Variants in NRXN3 observed in about 807,000 individuals in gnomAD.
The protein encoded by NRXN3 is neurexin III.
NRXN3 carries 32 observed loss-of-function variants against 137.6 expected under a neutral mutation model. That is an observed-to-expected ratio of 0.23 (90% CI 0.18 to 0.31). NRXN3 has a LOEUF of 0.31. Ranked by LOEUF, NRXN3 falls within the 10% of genes least tolerant of loss-of-function variation. The pLI is 1.00. For missense variants in NRXN3, 1,574 were observed against 2,062.5 expected (o/e 0.76, Z 4.59); for synonymous variants, 798 against 784.5 (o/e 1.02, Z -0.29).
chr14:79,254,414 A>AC (rs1288618720), intron 15 of NRXN3, among the ~76,000 whole-genome samples: 3 of 152,174 alleles, frequency 2.0e-5, no homozygotes, highest in Admixed American at 6.5e-5. Flanking sequence ...TCACTTAATG[A>AC]AGCTCCTTGG....
chr14:78,735,269 A>G (rs1484727555), intron 8 of NRXN3, among the ~76,000 whole-genome samples: 1 of 152,236 alleles, frequency 6.6e-6, no homozygotes, highest in Non-Finnish European at 1.5e-5. Flanking sequence ...GGAGAATGCT[A>G]TAACAATAAA....
chr14:79,252,906 C>T (rs1051896284), intron 15 of NRXN3, among the ~76,000 whole-genome samples: 1 of 152,122 alleles, frequency 6.6e-6, no homozygotes, highest in Non-Finnish European at 1.5e-5. Context: ...GTTGCCCAGC[C>T]ACATCCATTA....
chr14:78,539,765 C>A lies in NRXN3; in HGVS notation c.758-105355C>A, dbSNP rs186583139. On this transcript the variant is annotated intron_variant, in intron 4 of 20. Coordinates refer to ENST00000335750, the MANE Select transcript of NRXN3 (RefSeq NM_001330195.2). ...GGCATTTAGTGTAAATTTCCCTGTACACACTGTTTTAAATGTGTCCCAGAG... is the reference window on the plus strand; with the variant it reads ...GGCATTTAGTGTAAATTTCCCTGTAAACACTGTTTTAAATGTGTCCCAGAG... 3.3e-5 allele frequency among the ~76,000 whole-genome samples: 5 copies of A among 152,258 alleles called. No homozygotes were observed. In the East Asian group the frequency reaches 9.7e-4, roughly 29 times the overall value.
At chr14:78,896,142 A>G (rs2099173803) in intron 10 of NRXN3, among the ~76,000 whole-genome samples, 2 of 151,926 alleles carry the variant, frequency 1.3e-5, no homozygotes, top group Non-Finnish European at 2.9e-5. Flanking sequence ...CAATTGTTGT[A>G]AAATGCAAAA....
intron 15 of NRXN3, among the ~76,000 whole-genome samples, chr14:79,077,736 C>G (rs1375434152): frequency 2.0e-5 from 3 of 152,068 alleles, no homozygotes; most frequent in Admixed American, 6.6e-5. Flanking sequence ...TTTTATATAA[C>G]TATAATATAT....
chr14:78,784,725 C>T (rs946401459), intron 8 of NRXN3, among the ~76,000 whole-genome samples: 8 of 152,052 alleles, frequency 5.3e-5, no homozygotes, highest in Non-Finnish European at 7.3e-5. Flanking sequence ...GAGATGATTT[C>T]GGAAGTCTAG....
At chr14:78,957,094 G>A (rs1296505818) in intron 10 of NRXN3, 148 bp from the exon 11 acceptor site, 1 of 759,760 alleles carries the variant, frequency 1.3e-6, no homozygotes, top group Non-Finnish European at 2.1e-6. Context: ...AGAATCCACT[G>A]GATCAGTAAA....
chr14:79,516,989 C>A (rs2096992823), intron 16 of NRXN3, among the ~76,000 whole-genome samples: 2 of 151,778 alleles, frequency 1.3e-5, no homozygotes, highest in South Asian at 4.1e-4. Context: ...GTGTTGAATA[C>A]AATCTCAGAA....
intron 8 of NRXN3, among the ~76,000 whole-genome samples, chr14:78,716,295 C>A (rs1309857881): frequency 6.6e-6 from 1 of 152,140 alleles, no homozygotes; most frequent in Non-Finnish European, 1.5e-5. Context: ...GCCAAGCACA[C>A]AGAATCAAGC....
At chr14:79,406,390 T>G (rs768310287) in intron 15 of NRXN3, among the ~76,000 whole-genome samples, 8 of 151,922 alleles carry the variant, frequency 5.3e-5, no homozygotes, top group Non-Finnish European at 1.2e-4. Context: ...CTCCAACTTC[T>G]GCCTCCTGGG....
At chr14:78,488,981 C>T (rs996286430) in intron 4 of NRXN3, among the ~76,000 whole-genome samples, 1 of 151,994 alleles carries the variant, frequency 6.6e-6, no homozygotes, top group South Asian at 2.1e-4. Context: ...CACGCTTTTC[C>T]CTCTCTTAGG....
chr14:79,080,328 G>A (rs946471011), intron 15 of NRXN3, among the ~76,000 whole-genome samples: 8 of 152,146 alleles, frequency 5.3e-5, no homozygotes, highest in Admixed American at 1.3e-4. Context: ...AAGCAGACAT[G>A]GAAGGATTTG....
intron 16 of NRXN3, among the ~76,000 whole-genome samples, chr14:79,560,843 T>C (rs1484506758): frequency 6.6e-6 from 1 of 152,044 alleles, no homozygotes; most frequent in Non-Finnish European, 1.5e-5. Context: ...ACCTGGCCGA[T>C]TGTGAGCTAC....
intron 6 of NRXN3, among the ~76,000 whole-genome samples, chr14:78,688,650 A>G (rs548719461): frequency 5.2e-4 from 79 of 152,126 alleles, no homozygotes; most frequent in Non-Finnish European, 7.8e-4. Context: ...GAAAGGGAGC[A>G]GGTTTGTGGG....
intron 4 of NRXN3, among the ~76,000 whole-genome samples, chr14:78,341,929 T>C (rs2082188579): frequency 6.6e-6 from 1 of 152,194 alleles, no homozygotes; most frequent in African/African-American, 2.4e-5. Context: ...AACTCACTCA[T>C]ATGTTTGCCT....
intron 4 of NRXN3, among the ~76,000 whole-genome samples, chr14:78,420,084 G>A (rs189322192): frequency 6.6e-6 from 1 of 152,144 alleles, no homozygotes; most frequent in African/African-American, 2.4e-5. Context: ...TTTTGGGCAG[G>A]GAAGATGGAA....
chr14:79,017,497 T>G (rs2099581240), intron 15 of NRXN3, among the ~76,000 whole-genome samples: 1 of 152,050 alleles, frequency 6.6e-6, no homozygotes, highest in Non-Finnish European at 1.5e-5. Context: ...AATCCTGTTC[T>G]TGGAGTTAGG....
chr14:78,828,042 G>A (rs551615775), intron 10 of NRXN3, among the ~76,000 whole-genome samples: 2 of 152,222 alleles, frequency 1.3e-5, no homozygotes, highest in South Asian at 4.1e-4. Context: ...TCTAGTGTTG[G>A]TTCATGTCGC....
At chr14:79,193,489 A>G (rs571166497) in intron 15 of NRXN3, among the ~76,000 whole-genome samples, 10 of 152,378 alleles carry the variant, frequency 6.6e-5, no homozygotes, top group East Asian at 1.9e-4. Context: ...TAATCTTTGT[A>G]TAAATCATAG....
Sources: gnomAD v4.1 joint callset for allele counts (sites outside exome capture counted in the v4.1 genomes callset) on GRCh38, gnomAD v4.1.1 for gene constraint, MANE v1.5 for transcripts, NCBI Gene and HGNC (gene_info 2026-07-23, HGNC 2026-07-21) for gene names.